The following ZNF362 variants were observed in gnomAD, a reference collection of about 807,000 sequenced individuals.
ZNF362 encodes rotund homolog.
In ZNF362, 11 loss-of-function variants were observed where a neutral mutation model predicts 42.9. The observed-to-expected ratio is 0.26, with a 90% CI of 0.16 to 0.42. ZNF362 has a LOEUF of 0.42. ZNF362 is among the 20% of genes least tolerant of loss of function. The probability of loss-of-function intolerance (pLI) is 1.00; values close to 1 mark genes in which losing one functional copy is unlikely to be tolerated. For synonymous variants in ZNF362, 255 were observed against 257.3 expected, an observed-to-expected ratio of 0.99 and a Z score of 0.09; for missense variants, 362 against 576.2, an observed-to-expected ratio of 0.63 and a Z score of 3.81.
chr1:33,297,292 C>CT (rs1430864196), intron 8 of ZNF362, among the ~76,000 whole-genome samples: 2 of 152,174 alleles, frequency 1.3e-5, no homozygotes, highest in Non-Finnish European at 2.9e-5. Context: ...ATCCATACTC[C>CT]TATTTTTTGA....
chr1:33,136,424 A>G, the ZNF362 span, among the ~76,000 whole-genome samples: 1 of 149,088 alleles, frequency 6.7e-6, no homozygotes, highest in African/African-American at 2.5e-5. Flanking sequence ...GCTGGAGTGC[A>G]GTGGCACAAT....
chr1:33,180,056 C>T, the ZNF362 span, among the ~76,000 whole-genome samples: 1 of 55,124 alleles, frequency 1.8e-5, no homozygotes, highest in African/African-American at 9.8e-5. Context: ...GATATTTGAG[C>T]AAGGCTCAAT....
In ZNF362 at chr1:33,294,477, G is replaced by A. The variant is rs1646102724; in HGVS notation, c.909-460G>A. On this transcript the variant is annotated intron_variant, in intron 6 of 8. Transcript: ENST00000539719. This position sits in a 1 kb window ranked among gnomAD's most constrained non-coding sequence, Gnocchi z 4.2. ...ACGGAGATGTGCCTGACATGGGGTA[G>A]GGACAGGAAATAAGTGTCTGGGGCC... Among the ~76,000 whole-genome samples, 1 of 152,206 alleles carries A rather than the reference G, an allele frequency of 6.6e-6. No individual in the cohort carries two copies. Among genetic ancestry groups the A allele is most frequent in the Non-Finnish European group, 1.5e-5 (1 of 68,036 alleles).
the ZNF362 span, among the ~76,000 whole-genome samples, chr1:33,226,493 T>C: frequency 6.6e-6 from 1 of 152,202 alleles, no homozygotes; most frequent in Non-Finnish European, 1.5e-5. Flanking sequence ...GGTGTATTCA[T>C]ATAATGAAAC....
Position 33,280,633 on chromosome 1 carries a change from C to T in ZNF362, c.683+176C>T, listed in dbSNP as rs72889826. ...CCCACCCACATCCCAAGTCCCAGTT[C>T]GGGGAGGGCTGCTGGGGAGGGGAAT... On this transcript the variant is annotated intron_variant, in intron 5 of 8. Coordinates refer to ENST00000539719, the MANE Select transcript of ZNF362 (RefSeq NM_152493.3). The surrounding 1 kb of genome is among the most constrained non-coding windows in gnomAD (Gnocchi z 5.6). 5.2e-3 allele frequency among the ~76,000 whole-genome samples: 789 copies of T among 152,196 alleles called. 7 individuals carry two copies. Among genetic ancestry groups the T allele is most frequent in the African/African-American group, 0.018 (740 of 41,540 alleles).
chr1:33,190,104 A>G, the ZNF362 span, among the ~76,000 whole-genome samples: 1 of 152,134 alleles, frequency 6.6e-6, no homozygotes. Flanking sequence ...GGGTCTGAGG[A>G]CTAGCTTAAG....
intron 1 of ZNF362, among the ~76,000 whole-genome samples, chr1:33,262,761 C>G (rs1356734025): frequency 6.6e-6 from 1 of 152,230 alleles, no homozygotes; most frequent in African/African-American, 2.4e-5. Flanking sequence ...CCACCCCTGA[C>G]CCTCCCTCCT....
the ZNF362 span, among the ~76,000 whole-genome samples, chr1:33,214,249 G>T: frequency 1.3e-5 from 2 of 152,202 alleles, no homozygotes; most frequent in Non-Finnish European, 2.9e-5. Flanking sequence ...CTGGGGAAAG[G>T]AAAGTCTCTT....
chr1:33,280,257 C>A lies in ZNF362; in HGVS notation c.483C>A (p.Pro161=), dbSNP rs775191592. 5.6e-6 allele frequency: 9 copies of A among 1,613,934 alleles called. No homozygotes were observed. Among genetic ancestry groups the A allele is most frequent in the South Asian group, 2.2e-5 (2 of 91,092 alleles). ...TSQSRLIASS[P]TLISGITSPP... The stretch of plus-strand genomic sequence containing the variant: ...AGAGCCGCCTCATCGCCTCGTCCCC[C>A]ACCCTCATCTCAGGGATCACCAGCC... Residue 161 remains proline, a synonymous_variant, in exon 5 of 9, where the codon CCC becomes CCA. Coordinates refer to ENST00000539719, the MANE Select transcript of ZNF362 (RefSeq NM_152493.3). This position sits in a 1 kb window ranked among gnomAD's most constrained non-coding sequence, Gnocchi z 5.6.
chr1:33,233,740 T>A, the ZNF362 span, among the ~76,000 whole-genome samples: 1 of 152,132 alleles, frequency 6.6e-6, no homozygotes, highest in Non-Finnish European at 1.5e-5. Flanking sequence ...TGGAGTCATG[T>A]CTGTCTTCCC....
chr1:33,181,752 A>C, the ZNF362 span: 1 of 316,262 alleles, frequency 3.2e-6, no homozygotes, highest in Non-Finnish European at 5.8e-6. The surrounding 1 kb of genome is among the most constrained non-coding windows in gnomAD (Gnocchi z 6.5). Context: ...GGGGCGGGGC[A>C]GTCCTAAGGG....
chr1:33,182,136 G>T, the ZNF362 span: 1 of 152,034 alleles, frequency 6.6e-6, no homozygotes, highest in East Asian at 2.0e-4. Context: ...AGCGGGCGGG[G>T]GAGGGGCGGG....
intron 2 of ZNF362, chr1:33,275,129 T>G (rs1424682501): frequency 3.0e-6 from 3 of 985,266 alleles, no homozygotes; most frequent in Non-Finnish European, 3.6e-6. Context: ...AAGAGAGAGA[T>G]ACGAGAAACT....
At chr1:33,195,926 T>C in the ZNF362 span, 1 of 152,322 alleles carries the variant, frequency 6.6e-6, no homozygotes, top group East Asian at 1.9e-4. Context: ...TTTTAAACTT[T>C]TAAAAACTTT....
chr1:33,253,939 GA>G (rs1288244529), upstream of ZNF362, among the ~76,000 whole-genome samples: 7 of 152,190 alleles, frequency 4.6e-5, no homozygotes, highest in East Asian at 1.4e-3. Context: ...AAATTGAGAT[GA>G]TATTACAGAC....
At chr1:33,128,203 CAA>C in the ZNF362 span, among the ~76,000 whole-genome samples, 3,124 of 83,646 alleles carry the variant, frequency 0.037, 134 homozygotes, top group African/African-American at 0.13. Flanking sequence ...CCCACCTCTC[CAA>C]AAAAAAAAAA....
the ZNF362 span, among the ~76,000 whole-genome samples, chr1:33,152,516 A>G: frequency 1.3e-5 from 2 of 151,922 alleles, no homozygotes; most frequent in South Asian, 2.1e-4. Context: ...GTGGTGAGCC[A>G]AGATTGTGCC....
At chr1:33,246,835 T>C in the ZNF362 span, among the ~76,000 whole-genome samples, 2 of 152,192 alleles carry the variant, frequency 1.3e-5, no homozygotes, top group East Asian at 3.8e-4. Flanking sequence ...CCTGCCTTAC[T>C]GGATGCAGTT....
chr1:33,165,527 C>G, the ZNF362 span: 9 of 1,611,212 alleles, frequency 5.6e-6, no homozygotes, highest in South Asian at 3.3e-5. The surrounding 1 kb of genome is among the most constrained non-coding windows in gnomAD (Gnocchi z 4.0). Context: ...TGTTCCCGCT[C>G]GCTGTCTTGA....
Sources: allele counts gnomAD v4.1 joint callset (sites outside exome capture counted in the v4.1 genomes callset), GRCh38; gene constraint gnomAD v4.1.1; non-coding constraint Gnocchi (gnomAD v3.1); transcripts MANE v1.5; gene names NCBI Gene and HGNC (gene_info 2026-07-23, HGNC 2026-07-21).